Variants in CNBD1 observed in about 807,000 individuals in gnomAD.
The protein encoded by CNBD1 is cyclic nucleotide binding domain containing 1.
Under a neutral mutation model 54.4 loss-of-function variants are expected in CNBD1, and 71 were observed. The ratio of observed to expected loss-of-function variants is 1.30; its 90% confidence interval spans 1.08 to 1.59. The LOEUF (loss-of-function observed/expected upper bound fraction) is 1.59, where lower values mean the gene tolerates loss of function less well. Ranked by LOEUF, CNBD1 falls within the 40% of genes most tolerant of loss-of-function variation. The pLI is 0.00. For synonymous variants in CNBD1, 182 were observed against 170.7 expected (o/e 1.07, Z -0.51); for missense variants, 659 against 518.0 (o/e 1.27, Z -2.64).
intron 8 of CNBD1, among the ~76,000 whole-genome samples, chr8:87,319,785 A>G (rs1809480576): frequency 2.0e-5 from 3 of 152,232 alleles, no homozygotes; most frequent in South Asian, 4.1e-4. Flanking sequence ...TGAATTAACC[A>G]TTCAAAAAAG....
chr8:87,362,861 A>G (rs866181249), intron 10 of CNBD1, among the ~76,000 whole-genome samples: 8 of 152,116 alleles, frequency 5.3e-5, no homozygotes, highest in Admixed American at 1.3e-4. Context: ...GTTCATTCAA[A>G]TTGCATATTC....
At position 86,906,580 on chromosome 8, in the gene CNBD1, T is replaced by C. The variant is rs141758711; in HGVS notation, c.272+1386T>C. ...ATCTGATAAAAATACTTTGTACTTTTTGATTCCAAGTATACTCAATTTCTA... is the reference window on the plus strand; with the variant it reads ...ATCTGATAAAAATACTTTGTACTTTCTGATTCCAAGTATACTCAATTTCTA... On this transcript the variant is annotated intron_variant, in intron 3 of 10. Coordinates refer to ENST00000518476, the MANE Select transcript of CNBD1 (RefSeq NM_173538.3). Among the ~76,000 whole-genome samples, 806 of 152,334 alleles carry C rather than the reference T, an allele frequency of 5.3e-3. 6 individuals are homozygous for C. The highest frequency in any genetic ancestry group is 0.018 in the African/African-American group (740 of 41,578).
chr8:87,396,807 C>T (rs1248146316), intron 2 of CNBD1, among the ~76,000 whole-genome samples: 1 of 151,308 alleles, frequency 6.6e-6, no homozygotes, highest in African/African-American at 2.4e-5. Flanking sequence ...ATACCACCCC[C>T]TCGCTTAAAG....
intron 2 of CNBD1, among the ~76,000 whole-genome samples, chr8:87,392,936 G>T (rs912650626): frequency 6.6e-6 from 1 of 151,894 alleles, no homozygotes; most frequent in African/African-American, 2.4e-5. Flanking sequence ...CAATGACATG[G>T]CTAGCATTTA....
rs573735683 is a variant in CNBD1 at position 87,253,878 on chromosome 8, G to C, written c.771+16766G>C. On this transcript the variant is annotated intron_variant, in intron 6 of 10. Transcript: ENST00000518476. Reference sequence around the variant, plus strand: ...ATTTCAAGAATATAAGAATTGGACGGGAATTGGAATTTAGTTACATAAAAA... The same window carrying C: ...ATTTCAAGAATATAAGAATTGGACGCGAATTGGAATTTAGTTACATAAAAA... 2.0e-5 allele frequency among the ~76,000 whole-genome samples: 3 copies of C among 152,216 alleles called. No individual in the cohort carries two copies. In the South Asian group the frequency reaches 6.2e-4, roughly 32 times the overall value.
At chr8:87,365,103 C>T (rs111899308) in intron 10 of CNBD1, among the ~76,000 whole-genome samples, 2,274 of 152,138 alleles carry the variant, frequency 0.015, 58 homozygotes, top group African/African-American at 0.049. Context: ...AATTTACACT[C>T]GCACCAACAG....
intron 4 of CNBD1, among the ~76,000 whole-genome samples, chr8:87,134,781 T>A (rs534378247): frequency 1.6e-4 from 24 of 147,478 alleles, no homozygotes; most frequent in Non-Finnish European, 2.9e-4. Flanking sequence ...ATTTTTGAAT[T>A]TTTTTTTTTT....
intron 4 of CNBD1, among the ~76,000 whole-genome samples, chr8:86,970,873 T>C (rs893631280): frequency 1.3e-5 from 2 of 152,176 alleles, no homozygotes; most frequent in Non-Finnish European, 2.9e-5. Context: ...GGCACCTAGG[T>C]TGATTCCATG....
At chr8:87,111,034 T>C (rs1374658361) in intron 4 of CNBD1, among the ~76,000 whole-genome samples, 2 of 152,222 alleles carry the variant, frequency 1.3e-5, no homozygotes, top group African/African-American at 4.8e-5. Context: ...GGTGACAGAC[T>C]GGTAAAATAA....
intron 5 of CNBD1, among the ~76,000 whole-genome samples, chr8:87,230,837 A>C (rs1814673195): frequency 6.6e-6 from 1 of 152,198 alleles, no homozygotes; most frequent in South Asian, 2.1e-4. Flanking sequence ...CAATCAACCC[A>C]CTTGTCATTA....
intron 4 of CNBD1, among the ~76,000 whole-genome samples, chr8:87,090,224 C>T (rs2130678069): frequency 6.6e-6 from 1 of 152,232 alleles, no homozygotes; most frequent in South Asian, 2.1e-4. Context: ...CAGGACAATA[C>T]ACGTTTTATA....
In CNBD1 at chr8:87,353,654, G is replaced by A. The variant is rs755992466; in HGVS notation, c.1171G>A (p.Val391Ile). 6.3e-7 allele frequency: 1 copy of A among 1,588,720 alleles called. No individual in the cohort carries two copies. The highest frequency in any genetic ancestry group is 1.8e-5 in the Admixed American group (1 of 54,938). Residue 391 changes from valine (V) to isoleucine (I), a missense_variant, in exon 10 of 11, where the codon GTT (valine) becomes ATT (isoleucine). Coordinates refer to ENST00000518476, the MANE Select transcript of CNBD1 (RefSeq NM_173538.3). ...TTAACAGAAAAGATCTCAAAAACTT[G>A]TTTATATGGGGAAACTTAAGGAGAA... ...SNKVKRSQKL[V>I]YMGKLKEKES...
chr8:87,025,423 C>T (rs1214377156), intron 4 of CNBD1, among the ~76,000 whole-genome samples: 2 of 152,208 alleles, frequency 1.3e-5, no homozygotes, highest in Non-Finnish European at 2.9e-5. Context: ...CTGCGAAGGT[C>T]TGTGGCTTTA....
At chr8:87,230,452 C>T (rs1425831995) in intron 5 of CNBD1, among the ~76,000 whole-genome samples, 1 of 152,108 alleles carries the variant, frequency 6.6e-6, no homozygotes, top group Non-Finnish European at 1.5e-5. Context: ...CTTAAATATG[C>T]ACGTACAGCA....
Position 87,351,683 on chromosome 8 carries a change from A to C in CNBD1, c.1043-2A>C. On this transcript the variant is annotated splice_acceptor_variant, in intron 8 of 10. Coordinates refer to ENST00000518476, the MANE Select transcript of CNBD1 (RefSeq NM_173538.3). LOFTEE classifies it high-confidence loss of function. ...GAAATGAACTATCTCTCTTCTTTTC[A>C]GTGATAGTGGAAAGTGGAAATATAA... 2.7e-6 allele frequency: 4 copies of C among 1,497,300 alleles called. No individual in the cohort carries two copies. Among genetic ancestry groups the C allele is most frequent in the Non-Finnish European group, 3.5e-6 (4 of 1,128,110 alleles). 92.8% of individuals were successfully genotyped at this position (1,497,300 alleles called of 1,614,324 possible).
chr8:86,985,338 C>G (rs1441738885), intron 4 of CNBD1, among the ~76,000 whole-genome samples: 2 of 152,054 alleles, frequency 1.3e-5, no homozygotes, highest in African/African-American at 4.8e-5. Flanking sequence ...ATCTCATTAC[C>G]CAGGTAGTGA....
chr8:87,296,487 G>A (rs1269047573), intron 8 of CNBD1, among the ~76,000 whole-genome samples: 2 of 152,068 alleles, frequency 1.3e-5, no homozygotes, highest in Non-Finnish European at 2.9e-5. Flanking sequence ...AGTAAATAAG[G>A]CCAAAGGGTT....
chr8:86,924,615 A>G (rs1809327824), intron 3 of CNBD1, among the ~76,000 whole-genome samples: 1 of 150,614 alleles, frequency 6.6e-6, no homozygotes, highest in African/African-American at 2.5e-5. Context: ...TTTGCCTGAC[A>G]GGAGTTCAAC....
chr8:86,918,311 C>T (rs775943014), intron 3 of CNBD1, among the ~76,000 whole-genome samples: 20 of 152,134 alleles, frequency 1.3e-4, no homozygotes, highest in Non-Finnish European at 2.9e-4. Flanking sequence ...GACAGAAAAA[C>T]ACCTGTGTAA....
Sources: gnomAD v4.1 joint callset for allele counts (sites outside exome capture counted in the v4.1 genomes callset) on GRCh38, gnomAD v4.1.1 for gene constraint, MANE v1.5 for transcripts, NCBI Gene and HGNC (gene_info 2026-07-23, HGNC 2026-07-21) for gene names.